TBX18: variants seen among roughly 807,000 people sequenced by gnomAD.
The protein encoded by TBX18 is T-box transcription factor TBX18.
In TBX18, 21 loss-of-function variants were observed where a neutral mutation model predicts 55.0. That is an observed-to-expected ratio of 0.38 (90% CI 0.27 to 0.55). The LOEUF (loss-of-function observed/expected upper bound fraction) is 0.55, where lower values mean the gene tolerates loss of function less well. Among genes scored for constraint, TBX18 ranks in the 20% least tolerant of loss-of-function variants. The probability of loss-of-function intolerance (pLI) is 0.73; values close to 1 mark genes in which losing one functional copy is unlikely to be tolerated. For synonymous variants in TBX18, 342 were observed against 326.1 expected, an observed-to-expected ratio of 1.05 and a Z score of -0.53; for missense variants, 840 against 799.6, an observed-to-expected ratio of 1.05 and a Z score of -0.61.
rs1302894080 is a variant in TBX18 at position 84,735,339 on chromosome 6, T to C, written c.*1346A>G. 1.3e-5 allele frequency: 2 copies of C among 152,212 alleles called. No individual in the cohort carries two copies. The highest frequency in any genetic ancestry group is 4.8e-5 in the African/African-American group (2 of 41,460). 9.4% of individuals were successfully genotyped at this position (152,212 alleles called of 1,614,324 possible). A position where few individuals can be genotyped will look rare whatever the true frequency, so the allele number is the denominator to read the frequency against. ...ATATTATTTTAGGAATTAAAAAATT[T>C]AATACTGATTTTAATTTCTCCAGTT... is the stretch of plus-strand genomic sequence containing the variant. On this transcript the variant is annotated 3_prime_UTR_variant, in exon 8 of 8. Transcript: ENST00000369663.
At chr6:84,743,410 TTTCAAGG>T (rs1767097953) in intron 6 of TBX18, among the ~76,000 whole-genome samples, 1 of 152,164 alleles carries the variant, frequency 6.6e-6, no homozygotes, top group African/African-American at 2.4e-5. Context: ...AATTGGGGAT[TTTCAAGG>T]AGTATTAGAA....
At position 84,735,632 on chromosome 6, in the gene TBX18, A is replaced by G; in HGVS notation, c.*1053T>C. On this transcript the variant is annotated 3_prime_UTR_variant, in exon 8 of 8. Coordinates refer to ENST00000369663, the MANE Select transcript of TBX18 (RefSeq NM_001080508.3). ...AGGGGAAAAGGGTTCAATGTGTAGG[A>G]ATTACAAGATATAAATAAGTAGCAT... 6.6e-6 allele frequency: 1 copy of G among 152,232 alleles called. No individual in the cohort carries two copies. The highest frequency in any genetic ancestry group is 1.9e-4 in the East Asian group (1 of 5,196). The allele number at this position is 152,232 out of a possible 1,614,324, so 9.4% of individuals were successfully genotyped here.
chr6:84,749,369 A>G (rs1767279638), intron 4 of TBX18, among the ~76,000 whole-genome samples: 1 of 152,214 alleles, frequency 6.6e-6, no homozygotes, highest in Non-Finnish European at 1.5e-5. Flanking sequence ...GTTTAATAAG[A>G]CACATTCAGA....
At position 84,756,882 on chromosome 6, in the gene TBX18, G is replaced by T; in HGVS notation, c.600-13C>A. 1 of 1,613,032 alleles carries T rather than the reference G, an allele frequency of 6.2e-7. No homozygotes were observed. Among genetic ancestry groups the T allele is most frequent in the South Asian group, 1.1e-5 (1 of 90,888 alleles). ...GTGGTAAACATACCTAGAAGGCAAT[G>T]ACCAGGCGTTCAGTATACTGTTTTT... is the stretch of plus-strand genomic sequence containing the variant. On this transcript the variant is annotated splice_polypyrimidine_tract_variant and intron_variant, in intron 3 of 7. Transcript: ENST00000369663.
intron 1 of TBX18, chr6:84,763,544 C>T (rs1419052368): frequency 9.3e-6 from 5 of 540,004 alleles, no homozygotes; most frequent in Non-Finnish European, 1.8e-5. Flanking sequence ...CCGCCCTGTG[C>T]TTTTAAAAGT....
chr6:84,746,382 AATT>A (rs1407678793), intron 5 of TBX18, among the ~76,000 whole-genome samples: 2 of 148,018 alleles, frequency 1.4e-5, no homozygotes, highest in African/African-American at 4.9e-5. Flanking sequence ...TTAAATATAT[AATT>A]ATATCTCATA....
In TBX18 at chr6:84,764,443, C is replaced by T. The variant is rs1767760992; in HGVS notation, c.-262G>A. On this transcript the variant is annotated 5_prime_UTR_variant, in exon 1 of 8. Coordinates refer to ENST00000369663, the MANE Select transcript of TBX18 (RefSeq NM_001080508.3). Reference sequence around the variant, plus strand: ...TCTCACTGATGCACTCCTTTGCTCCCACCCCTTCCACCTCCTCCTGCTGCT... The same window carrying T: ...TCTCACTGATGCACTCCTTTGCTCCTACCCCTTCCACCTCCTCCTGCTGCT... 2.3e-6 allele frequency: 1 copy of T among 443,730 alleles called. No homozygotes were observed. Among genetic ancestry groups the T allele is most frequent in the Non-Finnish European group, 3.9e-6 (1 of 255,278 alleles). 27.5% of individuals were successfully genotyped at this position (443,730 alleles called of 1,614,324 possible).
chr6:84,759,921 T>G (rs2127881215), intron 3 of TBX18, among the ~76,000 whole-genome samples: 1 of 152,264 alleles, frequency 6.6e-6, no homozygotes, highest in Non-Finnish European at 1.5e-5. Context: ...TCTATAAACA[T>G]TACATAACAT....
At chr6:84,740,892 T>C (rs1459824307) in intron 6 of TBX18, among the ~76,000 whole-genome samples, 1 of 152,242 alleles carries the variant, frequency 6.6e-6, no homozygotes, top group Non-Finnish European at 1.5e-5. Context: ...TGTATCTTAC[T>C]GCATTATTTG....
At chr6:84,744,937 A>G (rs767027381) in intron 5 of TBX18, among the ~76,000 whole-genome samples, 6 of 152,158 alleles carry the variant, frequency 3.9e-5, no homozygotes, top group South Asian at 2.1e-4. Context: ...TCAGAGCACT[A>G]CAGTGAATGT....
Position 84,737,091 on chromosome 6 carries a change from G to A in TBX18, c.1418C>T (p.Thr473Ile), listed in dbSNP as rs377374716. 2.5e-5 allele frequency: 40 copies of A among 1,614,100 alleles called. No individual in the cohort carries two copies. Among genetic ancestry groups the A allele is most frequent in the Non-Finnish European group, 3.3e-5 (39 of 1,180,052 alleles). The change falls in exon 8 of 8, where the codon ACT (threonine) becomes ATT (isoleucine). Residue 473 changes from threonine (T) to isoleucine (I), a missense_variant. Coordinates refer to ENST00000369663, the MANE Select transcript of TBX18 (RefSeq NM_001080508.3). Reference sequence around the variant, plus strand: ...TGGGCAGCTGAAGGTGTCCCCATCAGTGCCACCCATGGACATGTTCACGGA... The same window carrying A: ...TGGGCAGCTGAAGGTGTCCCCATCAATGCCACCCATGGACATGTTCACGGA... ...STSVNMSMGG[T>I]DGDTFSCPQT...
At position 84,735,701 on chromosome 6, in the gene TBX18, G is replaced by A. The variant is rs1773919830; in HGVS notation, c.*984C>T. On this transcript the variant is annotated 3_prime_UTR_variant, in exon 8 of 8. Transcript: ENST00000369663. ...TATATACTATCGGTCAGGAAGCTCA[G>A]AGCAAGATGGAAAAAATATTCTAAA... is the stretch of plus-strand genomic sequence containing the variant. 2 of 152,108 alleles carry A rather than the reference G, an allele frequency of 1.3e-5. No individual in the cohort carries two copies. Among genetic ancestry groups the A allele is most frequent in the Non-Finnish European group, 2.9e-5 (2 of 68,010 alleles). The allele number at this position is 152,108 out of a possible 1,614,324, so 9.4% of individuals were successfully genotyped here. A position where few individuals can be genotyped will look rare whatever the true frequency, so the allele number is the denominator to read the frequency against.
intron 1 of TBX18, 73 bp downstream of exon 1, chr6:84,763,817 C>G: frequency 7.0e-7 from 1 of 1,427,362 alleles, no homozygotes; most frequent in Non-Finnish European, 9.1e-7. Context: ...GCGGCGCGCA[C>G]GCACACCCAC....
Position 84,733,375 on chromosome 6 carries a change from A to G in TBX18, c.*3310T>C, listed in dbSNP as rs1357913790. On this transcript the variant is annotated 3_prime_UTR_variant, in exon 8 of 8. Transcript: ENST00000369663. ...ACACAACATGGTAATAATTTAATAC[A>G]ATTAGTTCTTAAGGGAAAGCTTAGA... 1 of 152,168 alleles carries G rather than the reference A, an allele frequency of 6.6e-6. No homozygotes were observed. Among genetic ancestry groups the G allele is most frequent in the African/African-American group, 2.4e-5 (1 of 41,422 alleles). 9.4% of individuals were successfully genotyped at this position (152,168 alleles called of 1,614,324 possible). A position where few individuals can be genotyped will look rare whatever the true frequency, so the allele number is the denominator to read the frequency against.
At chr6:84,758,170 G>A (rs1053442159) in intron 3 of TBX18, among the ~76,000 whole-genome samples, 2 of 152,104 alleles carry the variant, frequency 1.3e-5, no homozygotes, top group African/African-American at 2.4e-5. Context: ...CACTTTGGGA[G>A]GCTGAGGTAG....
Position 84,764,318 on chromosome 6 carries a change from A to T in TBX18, c.-137T>A. 1 of 1,217,292 alleles carries T rather than the reference A, an allele frequency of 8.2e-7. No homozygotes were observed. Among genetic ancestry groups the T allele is most frequent in the East Asian group, 3.1e-5 (1 of 31,912 alleles). The allele number at this position is 1,217,292 out of a possible 1,614,324, so 75.4% of individuals were successfully genotyped here. On this transcript the variant is annotated 5_prime_UTR_variant, in exon 1 of 8. In the 5' UTR this introduces an upstream ATG that the reference lacks. Transcript: ENST00000369663. The stretch of plus-strand genomic sequence containing the variant: ...TCTGCCCCCTTCCCCACCGCGGGCA[A>T]AAAACAGATTTGGCGTTTCCGCTTT...
At position 84,737,334 on chromosome 6, in the gene TBX18, C is replaced by T. The variant is rs1766904498; in HGVS notation, c.1175G>A (p.Gly392Asp). The change falls in exon 8 of 8, where the codon GGC becomes GAC. Residue 392 changes from glycine (G) to aspartate (D), a missense_variant. Coordinates refer to ENST00000369663, the MANE Select transcript of TBX18 (RefSeq NM_001080508.3). ...GAAGGCAGGAGAGGAGCAAGAGGAG[C>T]CAGACAAAAGGTGAGGGTGAGTGGC... ...VPATHPHLLS[G>D]SSCSSPAFHL... 4 of 1,588,676 alleles carry T rather than the reference C, an allele frequency of 2.5e-6. No homozygotes were observed. In the African/African-American group the frequency reaches 5.4e-5, roughly 21 times the overall value.
At chr6:84,759,180 T>C (rs1043916073) in intron 3 of TBX18, among the ~76,000 whole-genome samples, 3 of 152,166 alleles carry the variant, frequency 2.0e-5, no homozygotes, top group Non-Finnish European at 4.4e-5. Flanking sequence ...TAATGACTTA[T>C]TTAATTAAAA....
At chr6:84,745,284 C>T (rs1182281187) in intron 5 of TBX18, among the ~76,000 whole-genome samples, 1 of 151,832 alleles carries the variant, frequency 6.6e-6, no homozygotes, top group African/African-American at 2.4e-5. Flanking sequence ...CTAATAAATA[C>T]CATCCCATCT....
Sources: gnomAD v4.1 joint callset for allele counts (sites outside exome capture counted in the v4.1 genomes callset) on GRCh38, gnomAD v4.1.1 for gene constraint, MANE v1.5 for transcripts, NCBI Gene and HGNC (gene_info 2026-07-23, HGNC 2026-07-21) for gene names.